Variants in PRCP observed in about 807,000 individuals in gnomAD.
PRCP encodes lysosomal Pro-X carboxypeptidase.
In PRCP, 46 loss-of-function variants were observed where a neutral mutation model predicts 54.2. That is an observed-to-expected ratio of 0.85 (90% confidence interval 0.67 to 1.09). The LOEUF is 1.09. Ranked by LOEUF, PRCP falls within the 50% of genes least tolerant of loss-of-function variation. The pLI, the probability that PRCP is intolerant of heterozygous loss-of-function variation, is 0.00. For missense variants in PRCP, 613 were observed against 596.8 expected (o/e 1.03, Z -0.28); for synonymous variants, 240 against 212.2 (o/e 1.13, Z -1.14).
chr11:82,855,581 T>C (rs557408671), intron 2 of PRCP, among the ~76,000 whole-genome samples: 1 of 152,252 alleles, frequency 6.6e-6, no homozygotes, highest in Non-Finnish European at 1.5e-5. Context: ...ATCACGCCAC[T>C]GCACTCGAGC....
rs917910988 is a variant in PRCP at position 82,823,326 on chromosome 11, A to C, written c.*1580T>G. Among the ~76,000 whole-genome samples the C allele has an allele frequency of 1.7e-4, 26 of 152,344 alleles. No homozygotes were observed. Among genetic ancestry groups the C allele is most frequent in the African/African-American group, 5.8e-4 (24 of 41,584 alleles). ...ATTTCTTAGTTGACAAAGAATAAAAACTAGTATTGTTTTGGCCCTTAAATT... is the reference window on the plus strand; with the variant it reads ...ATTTCTTAGTTGACAAAGAATAAAACCTAGTATTGTTTTGGCCCTTAAATT... On this transcript the variant is annotated 3_prime_UTR_variant, in exon 9 of 9. Transcript: ENST00000313010.
intron 4 of PRCP, 126 bp from the exon 5 acceptor site, chr11:82,850,197 G>T: frequency 1.0e-6 from 1 of 990,826 alleles, no homozygotes; most frequent in Non-Finnish European, 1.3e-6. Flanking sequence ...AAATAACACA[G>T]CTGTTAATGA....
intron 8 of PRCP, among the ~76,000 whole-genome samples, chr11:82,837,454 A>G (rs1355848871): frequency 6.6e-6 from 1 of 152,234 alleles, no homozygotes; most frequent in Non-Finnish European, 1.5e-5. Context: ...GGGTAAGGAG[A>G]TGCCTTTTAA....
At chr11:82,861,854 A>G (rs1328447361) in intron 1 of PRCP, among the ~76,000 whole-genome samples, 2 of 152,236 alleles carry the variant, frequency 1.3e-5, no homozygotes, top group South Asian at 2.1e-4. Flanking sequence ...CAAGATATAC[A>G]CAATGATGTA....
chr11:82,829,115 G>A (rs2121055244), intron 8 of PRCP: 1 of 152,194 alleles, frequency 6.6e-6, no homozygotes, highest in Admixed American at 6.5e-5. Flanking sequence ...CCTTTTAACT[G>A]ATCTTCCTGC....
At chr11:82,857,341 C>A (rs1859115252) in intron 2 of PRCP, among the ~76,000 whole-genome samples, 1 of 152,116 alleles carries the variant, frequency 6.6e-6, no homozygotes, top group African/African-American at 2.4e-5. Flanking sequence ...TTTGATTACC[C>A]CCATTTTATA....
chr11:82,878,867 G>A (rs74526495), intron 1 of PRCP, among the ~76,000 whole-genome samples: 1 of 152,240 alleles, frequency 6.6e-6, no homozygotes, highest in Middle Eastern at 3.4e-3. Context: ...TTGAGTGTTG[G>A]CCCCCACTCT....
intron 6 of PRCP, among the ~76,000 whole-genome samples, chr11:82,845,288 A>T (rs2121123590): frequency 6.6e-6 from 1 of 152,328 alleles, no homozygotes; most frequent in African/African-American, 2.4e-5. Flanking sequence ...TGATTTGTTT[A>T]AAAGTTTTAA....
chr11:82,868,571 T>C (rs985823181), intron 1 of PRCP, among the ~76,000 whole-genome samples: 7 of 149,778 alleles, frequency 4.7e-5, no homozygotes, highest in African/African-American at 1.7e-4. Flanking sequence ...GGAGGTAATA[T>C]CTGAGCTGAA....
chr11:82,826,199 T>C (rs1858229243), intron 8 of PRCP: 2 of 152,226 alleles, frequency 1.3e-5, no homozygotes, highest in Non-Finnish European at 1.5e-5. Context: ...ATTCTGGACA[T>C]TTCATACAAA....
intron 8 of PRCP, chr11:82,829,567 G>T (rs919151379): frequency 1.3e-5 from 2 of 151,992 alleles, no homozygotes; most frequent in Admixed American, 6.5e-5. Flanking sequence ...ACATTTTATA[G>T]TCCCCTTCCC....
In PRCP at chr11:82,860,169, A is replaced by T. The variant is rs754908031; in HGVS notation, c.169-52T>A. On this transcript the variant is annotated intron_variant, in intron 1 of 8. Coordinates refer to ENST00000313010, the MANE Select transcript of PRCP (RefSeq NM_005040.4). ...TTTCAAAGGAAAGTAATAAAATGAG[A>T]TCAACATAAAGGTAATTAATTCTTC... 7.8e-6 allele frequency: 10 copies of T among 1,281,106 alleles called. No homozygotes were observed. In the East Asian group the frequency reaches 2.4e-4, roughly 31 times the overall value. The allele number at this position is 1,281,106 out of a possible 1,614,324, so 79.4% of individuals were successfully genotyped here.
At chr11:82,826,133 C>T (rs1429410920) in intron 8 of PRCP, 3 of 152,228 alleles carry the variant, frequency 2.0e-5, no homozygotes, top group Non-Finnish European at 4.4e-5. Flanking sequence ...ATCTTCCTGC[C>T]TTGCTCTCAG....
intron 1 of PRCP, among the ~76,000 whole-genome samples, chr11:82,876,505 C>G (rs946215740): frequency 1.3e-5 from 2 of 152,196 alleles, no homozygotes; most frequent in South Asian, 2.1e-4. Context: ...TGAATTGTAT[C>G]TCCCAGAACT....
intron 1 of PRCP, among the ~76,000 whole-genome samples, chr11:82,878,289 G>A (rs1420824595): frequency 6.6e-6 from 1 of 152,184 alleles, no homozygotes; most frequent in African/African-American, 2.4e-5. Context: ...TTGGGTTAAT[G>A]CTGAAATGAG....
intron 1 of PRCP, among the ~76,000 whole-genome samples, chr11:82,869,038 A>AAAAT (rs552306541): frequency 2.0e-5 from 3 of 151,980 alleles, no homozygotes; most frequent in African/African-American, 4.8e-5. Flanking sequence ...TCTGTCTCAA[A>AAAAT]AAATAAATAA....
chr11:82,837,947 A>C (rs1410122560), intron 8 of PRCP, among the ~76,000 whole-genome samples: 1 of 152,194 alleles, frequency 6.6e-6, no homozygotes, highest in Non-Finnish European at 1.5e-5. Context: ...GGCTATAAAA[A>C]CTACTTCACA....
At chr11:82,866,306 C>T (rs1472238098) in intron 1 of PRCP, among the ~76,000 whole-genome samples, 3 of 152,208 alleles carry the variant, frequency 2.0e-5, no homozygotes, top group Admixed American at 6.5e-5. Context: ...TCCCTTCCCA[C>T]GAAGATGCTC....
intron 1 of PRCP, among the ~76,000 whole-genome samples, chr11:82,873,618 C>G (rs1384784341): frequency 6.6e-6 from 1 of 152,166 alleles, no homozygotes; most frequent in Non-Finnish European, 1.5e-5. Flanking sequence ...CACTGGTTAC[C>G]TCTGATGAAT....
Sources: allele counts gnomAD v4.1 joint callset (sites outside exome capture counted in the v4.1 genomes callset), GRCh38; gene constraint gnomAD v4.1.1; transcripts MANE v1.5; gene names NCBI Gene and HGNC (gene_info 2026-07-23, HGNC 2026-07-21).